SSH1: variants seen among roughly 807,000 people sequenced by gnomAD.
The protein encoded by SSH1 is slingshot protein phosphatase 1.
Under a neutral mutation model 79.7 loss-of-function variants are expected in SSH1, and 43 were observed. That is an observed-to-expected ratio of 0.54 (90% confidence interval 0.42 to 0.70). The LOEUF is 0.70. Ranked by LOEUF, SSH1 falls within the 30% of genes least tolerant of loss-of-function variation. SSH1 has a pLI of 0.00. For missense variants in SSH1, 1,206 were observed against 1,358.8 expected, an observed-to-expected ratio of 0.89 and a Z score of 1.77; for synonymous variants, 599 against 538.3, an observed-to-expected ratio of 1.11 and a Z score of -1.56.
intron 2 of SSH1, among the ~76,000 whole-genome samples, chr12:108,824,511 G>T (rs1167971083): frequency 6.6e-6 from 1 of 151,966 alleles, no homozygotes; most frequent in Non-Finnish European, 1.5e-5. Flanking sequence ...ACTGACTTGT[G>T]ATTTAACTTA....
chr12:108,827,607 G>T lies in SSH1; in HGVS notation c.111-4246C>A, dbSNP rs1375878046. 13 of 1,221,206 alleles carry T rather than the reference G, an allele frequency of 1.1e-5. No homozygotes were observed. The South Asian group carries it at 4.5e-4, about 42-fold the overall frequency. 75.6% of individuals were successfully genotyped at this position (1,221,206 alleles called of 1,614,324 possible). ...AGGGCCATTCAGCAAAACAGCTGAG[G>T]TTCCTCTAATCACTGCACTCCTACG... On this transcript the variant is annotated intron_variant, in intron 2 of 14. Coordinates refer to ENST00000326495, the MANE Select transcript of SSH1 (RefSeq NM_018984.4).
intron 12 of SSH1, 65 bp downstream of exon 12, chr12:108,800,715 C>G: frequency 4.4e-6 from 7 of 1,594,534 alleles, no homozygotes; most frequent in Middle Eastern, 2.1e-4. Flanking sequence ...CAGTCTCGTT[C>G]ATTCCCACTC....
At chr12:108,789,429 T>C (rs75670512) in intron 14 of SSH1, among the ~76,000 whole-genome samples, 185 bp from the exon 15 acceptor site, 6,680 of 152,194 alleles carry the variant, frequency 0.044, 400 homozygotes, top group African/African-American at 0.13. Flanking sequence ...GAATAACCAC[T>C]GGCCTGAGGT....
At chr12:108,809,628 T>G in intron 7 of SSH1, 65 bp downstream of exon 7, 1 of 1,420,532 alleles carries the variant, frequency 7.0e-7, no homozygotes. Context: ...AAGGGGTTTT[T>G]CTATTCATGC....
chr12:108,823,692 C>T (rs960471734), intron 2 of SSH1, among the ~76,000 whole-genome samples: 2 of 151,840 alleles, frequency 1.3e-5, no homozygotes, highest in Non-Finnish European at 2.9e-5. Context: ...TTTTGAGACG[C>T]AGTTTCACTC....
Position 108,807,641 on chromosome 12 carries a change from A to C in SSH1, c.723T>G (p.Phe241Leu). The C allele has an allele frequency of 1.2e-6, 2 of 1,612,546 alleles. No homozygotes were observed. The highest frequency in any genetic ancestry group is 1.7e-6 in the Non-Finnish European group (2 of 1,179,124). Residue 241 changes from phenylalanine (F) to leucine (L), a missense_variant, in exon 8 of 15, where the codon TTT (phenylalanine) becomes TTG (leucine). Coordinates refer to ENST00000326495, the MANE Select transcript of SSH1 (RefSeq NM_018984.4). This position sits in a 1 kb window ranked among gnomAD's most constrained non-coding sequence, Gnocchi z 5.2. ...ESTRPDSPALFVDKPTEGERT... is the reference protein window; with the variant it reads ...ESTRPDSPALLVDKPTEGERT... ...AGAGGCACCTCACTTACTTGTCCACAAATAGCGCGGGGGAGTCGGGCCGCG... is the reference window on the plus strand; with the variant it reads ...AGAGGCACCTCACTTACTTGTCCACCAATAGCGCGGGGGAGTCGGGCCGCG...
chr12:108,840,247 G>T (rs1294794695), intron 2 of SSH1, among the ~76,000 whole-genome samples: 1 of 152,082 alleles, frequency 6.6e-6, no homozygotes, highest in African/African-American at 2.4e-5. Context: ...GGCTCCTCTC[G>T]GGGGCTGGGC....
intron 2 of SSH1, among the ~76,000 whole-genome samples, chr12:108,823,748 A>G (rs1267310859): frequency 6.6e-6 from 1 of 151,944 alleles, no homozygotes; most frequent in Non-Finnish European, 1.5e-5. Context: ...ACTCACTGCA[A>G]CCTCTGCCTC....
intron 2 of SSH1, among the ~76,000 whole-genome samples, chr12:108,837,231 CAAAAAATA>C (rs1210844199): frequency 6.6e-6 from 1 of 151,414 alleles, no homozygotes; most frequent in African/African-American, 2.4e-5. Context: ...GTTTCCAACT[CAAAAAATA>C]AAAAAATAAA....
intron 13 of SSH1, among the ~76,000 whole-genome samples, chr12:108,793,111 AATCTGTGT>A (rs2136987747): frequency 6.6e-6 from 1 of 152,286 alleles, no homozygotes; most frequent in East Asian, 1.9e-4. Context: ...TCTAGACTTC[AATCTGTGT>A]ATCTGTGTTT....
At chr12:108,854,860 C>T (rs942989429) in intron 1 of SSH1, among the ~76,000 whole-genome samples, 1 of 152,200 alleles carries the variant, frequency 6.6e-6, no homozygotes, top group Non-Finnish European at 1.5e-5. Flanking sequence ...TGGCCTAGGT[C>T]TCCTGACCCC....
At chr12:108,851,224 TACCC>T (rs1161594279) in intron 2 of SSH1, among the ~76,000 whole-genome samples, 2 of 152,210 alleles carry the variant, frequency 1.3e-5, no homozygotes, top group Non-Finnish European at 2.9e-5. Flanking sequence ...AGTGTTTCCC[TACCC>T]ACATAATCTT....
intron 2 of SSH1, chr12:108,827,534 G>A: frequency 7.8e-7 from 1 of 1,280,012 alleles, no homozygotes; most frequent in South Asian, 3.0e-5. Context: ...GTCTTCCTCT[G>A]ATATTTTGGC....
At chr12:108,792,910 T>G (rs2036576853) in intron 13 of SSH1, 81 bp from the exon 14 acceptor site, 1 of 1,574,132 alleles carries the variant, frequency 6.4e-7, no homozygotes. Context: ...GGTGAGCCAG[T>G]GAGGGGCTGC....
chr12:108,816,739 A>G (rs1443626098), intron 5 of SSH1, among the ~76,000 whole-genome samples: 1 of 152,162 alleles, frequency 6.6e-6, no homozygotes, highest in Non-Finnish European at 1.5e-5. Flanking sequence ...TTCAGGAAGC[A>G]TTTCTGGCTA....
intron 1 of SSH1, among the ~76,000 whole-genome samples, chr12:108,854,955 G>T (rs772142568): frequency 6.6e-6 from 1 of 152,122 alleles, no homozygotes; most frequent in Admixed American, 6.5e-5. Flanking sequence ...ACATCCCAGC[G>T]CATTCAAAGC....
intron 10 of SSH1, 88 bp from the exon 11 acceptor site, chr12:108,802,456 C>T (rs773581546): frequency 5.2e-5 from 65 of 1,238,554 alleles, no homozygotes; most frequent in Non-Finnish European, 7.2e-5. Flanking sequence ...CTAGCTCTGG[C>T]GGTGAGGTCT....
At chr12:108,832,740 G>A (rs191733774) in intron 2 of SSH1, among the ~76,000 whole-genome samples, 7 of 152,314 alleles carry the variant, frequency 4.6e-5, no homozygotes, top group East Asian at 1.9e-4. Flanking sequence ...CCAAGGTCTC[G>A]TTCTTCTTCA....
At position 108,857,550 on chromosome 12, in the gene SSH1, G is replaced by A. The variant is rs2039170293; in HGVS notation, c.-54C>T. 7 of 998,822 alleles carry A rather than the reference G, an allele frequency of 7.0e-6. No individual in the cohort carries two copies. Among genetic ancestry groups the A allele is most frequent in the South Asian group, 3.3e-5 (1 of 30,046 alleles). 61.9% of individuals were successfully genotyped at this position (998,822 alleles called of 1,614,324 possible). A position where few individuals can be genotyped will look rare whatever the true frequency, so the allele number is the denominator to read the frequency against. Reference sequence around the variant, plus strand: ...GACGTCTCGAGCTAGAGCCGCCACCGCCACCGCCGCCCGGGCCGGGCCCGG... The same window carrying A: ...GACGTCTCGAGCTAGAGCCGCCACCACCACCGCCGCCCGGGCCGGGCCCGG... On this transcript the variant is annotated 5_prime_UTR_variant, in exon 1 of 15. Coordinates refer to ENST00000326495, the MANE Select transcript of SSH1 (RefSeq NM_018984.4). The surrounding 1 kb of genome is among the most constrained non-coding windows in gnomAD (Gnocchi z 4.7).
Sources: gnomAD v4.1 joint callset for allele counts (sites outside exome capture counted in the v4.1 genomes callset) on GRCh38, gnomAD v4.1.1 for gene constraint, Gnocchi (gnomAD v3.1) non-coding constraint, MANE v1.5 for transcripts, NCBI Gene and HGNC (gene_info 2026-07-23, HGNC 2026-07-21) for gene names.